AMZ1: variants seen among roughly 807,000 people sequenced by gnomAD.
AMZ1 encodes archaemetzincin-1.
Under a neutral mutation model 29.9 loss-of-function variants are expected in AMZ1, and 39 were observed. The observed-to-expected ratio is 1.30, with a 90% CI of 1.01 to 1.70. The LOEUF is 1.70. Among genes scored for constraint, AMZ1 ranks in the 40% most tolerant of loss-of-function variants. The pLI is 0.00. For synonymous variants in AMZ1, 458 were observed against 304.0 expected, an observed-to-expected ratio of 1.51 and a Z score of -5.27; for missense variants, 1,041 against 680.6, an observed-to-expected ratio of 1.53 and a Z score of -5.89.
At chr7:2,761,299 A>T (rs1371369391), upstream of AMZ1, among the ~76,000 whole-genome samples, 2 of 151,970 alleles carry the variant, frequency 1.3e-5, no homozygotes, top group Non-Finnish European at 2.9e-5. Flanking sequence ...CAAAGCCACC[A>T]CCCCATGCTC....
intron 3 of AMZ1, among the ~76,000 whole-genome samples, chr7:2,707,540 C>A (rs1220229713): frequency 1.3e-5 from 2 of 152,012 alleles, no homozygotes; most frequent in Non-Finnish European, 2.9e-5. Flanking sequence ...TGTATCTGTC[C>A]ACACTCATGC....
At chr7:2,700,791 G>A (rs764881993) in intron 2 of AMZ1, 36 bp downstream of exon 2, 1 of 1,600,852 alleles carries the variant, frequency 6.2e-7, no homozygotes, top group African/African-American at 1.3e-5. Flanking sequence ...ACGCTCCTGG[G>A]GGACCAGCTT....
Position 2,719,214 on chromosome 7 carries a change from G to T in AMZ1, c.*6336G>T, listed in dbSNP as rs1789308757. ...ACAGAACGGCAGGTGGCCCCTGTCG[G>T]AAGGGGGGTGTCTCTTTATTCCTGC... On this transcript the variant is annotated 3_prime_UTR_variant, in exon 7 of 7. Transcript: ENST00000683327. Among the ~76,000 whole-genome samples the T allele has an allele frequency of 6.6e-6, 1 of 152,182 alleles. No individual in the cohort carries two copies. The highest frequency in any genetic ancestry group is 2.1e-4 in the South Asian group (1 of 4,830).
At chr7:2,737,289 G>GTTTTTTTTTTTTTTTT (rs11389467) in intron 4 of AMZ1, among the ~76,000 whole-genome samples, 103 of 62,262 alleles carry the variant, frequency 1.7e-3, no homozygotes, top group Non-Finnish European at 1.8e-3. Context: ...TTTTTTTTTT[G>GTTTTTTTTTTTTTTTT]TTTTTTTTTT....
intron 4 of AMZ1, among the ~76,000 whole-genome samples, chr7:2,743,909 G>A (rs1462345751): frequency 1.3e-5 from 2 of 152,128 alleles, no homozygotes; most frequent in South Asian, 4.2e-4. Flanking sequence ...CACCCAAGGA[G>A]TCTTGCTCAT....
intron 1 of AMZ1, among the ~76,000 whole-genome samples, chr7:2,698,527 G>A (rs1010992688): frequency 1.3e-5 from 2 of 151,940 alleles, no homozygotes; most frequent in Non-Finnish European, 2.9e-5. Flanking sequence ...GACACAGCAA[G>A]ACTCCATCTA....
chr7:2,722,516 C>T (rs1249474998), downstream of AMZ1, among the ~76,000 whole-genome samples: 1 of 151,916 alleles, frequency 6.6e-6, no homozygotes, highest in Non-Finnish European at 1.5e-5. Flanking sequence ...CGTGATCCAT[C>T]CGCCTCAGCC....
chr7:2,731,136 G>T lies in AMZ1; in HGVS notation n.550+21320G>T. 1.5e-6 allele frequency: 2 copies of T among 1,334,528 alleles called. No homozygotes were observed. The highest frequency in any genetic ancestry group is 1.1e-6 in the Non-Finnish European group (1 of 946,232). 82.7% of individuals were successfully genotyped at this position (1,334,528 alleles called of 1,614,324 possible). A position where few individuals can be genotyped will look rare whatever the true frequency, so the allele number is the denominator to read the frequency against. ...CACACACCCAAGAGTCTGACCGACA[G>T]CCGTGGGGGCTGCTCAACGACGACA... On this transcript the variant is annotated intron_variant and non_coding_transcript_variant, in intron 4 of 4. Transcript: ENST00000489665. This position sits in a 1 kb window ranked among gnomAD's most constrained non-coding sequence, Gnocchi z 6.0.
intron 4 of AMZ1, among the ~76,000 whole-genome samples, chr7:2,733,943 C>G (rs1046065646): frequency 6.6e-6 from 1 of 152,234 alleles, no homozygotes; most frequent in Non-Finnish European, 1.5e-5. Flanking sequence ...TCCTTAAAGA[C>G]AAAACATCCT....
At chr7:2,757,677 G>A (rs1303212157) in intron 4 of AMZ1, among the ~76,000 whole-genome samples, 1 of 152,132 alleles carries the variant, frequency 6.6e-6, no homozygotes, top group Non-Finnish European at 1.5e-5. Context: ...GCTAATTGGT[G>A]GTAATCTTTT....
chr7:2,740,192 G>C (rs1340624340), intron 4 of AMZ1, among the ~76,000 whole-genome samples: 2 of 152,054 alleles, frequency 1.3e-5, no homozygotes, highest in African/African-American at 4.8e-5. Flanking sequence ...GGCATTTCCT[G>C]GTGATCTTTT....
chr7:2,748,535 T>C (rs1406856838), intron 4 of AMZ1, among the ~76,000 whole-genome samples: 3 of 152,062 alleles, frequency 2.0e-5, no homozygotes, highest in African/African-American at 7.2e-5. Context: ...ACTTAAATGT[T>C]AGACCTAAAA....
chr7:2,684,475 C>A (rs1786995636), upstream of AMZ1, among the ~76,000 whole-genome samples: 1 of 152,238 alleles, frequency 6.6e-6, no homozygotes, highest in African/African-American at 2.4e-5. Flanking sequence ...TCTCTTTTAA[C>A]CCCAAGTCGG....
At chr7:2,758,029 A>G (rs527460687) in intron 4 of AMZ1, among the ~76,000 whole-genome samples, 8 of 152,336 alleles carry the variant, frequency 5.3e-5, no homozygotes, top group African/African-American at 1.9e-4. Flanking sequence ...AAATGTCTGG[A>G]AAACCTCTTG....
intron 1 of AMZ1, among the ~76,000 whole-genome samples, chr7:2,690,607 A>G (rs560968207): frequency 4.6e-5 from 7 of 151,850 alleles, no homozygotes; most frequent in Non-Finnish European, 1.0e-4. Context: ...TGGGTTTCCG[A>G]TGTAGATGCT....
chr7:2,762,600 G>T (rs1021728682), upstream of AMZ1: 7 of 1,520,064 alleles, frequency 4.6e-6, no homozygotes, highest in Admixed American at 8.6e-5. Flanking sequence ...ACCCAAAAAA[G>T]GACAATCCCC....
intron 3 of AMZ1, among the ~76,000 whole-genome samples, chr7:2,707,433 T>C (rs1057192031): frequency 2.0e-5 from 3 of 152,168 alleles, no homozygotes; most frequent in Non-Finnish European, 4.4e-5. Flanking sequence ...CCGGGTTTCC[T>C]GGGCCCGTGG....
At chr7:2,727,389 T>G (rs1056673499) in intron 4 of AMZ1, among the ~76,000 whole-genome samples, 2 of 152,182 alleles carry the variant, frequency 1.3e-5, no homozygotes, top group African/African-American at 4.8e-5. Flanking sequence ...CATCTTCATT[T>G]ATTTTTAAGA....
At chr7:2,753,221 C>A (rs1780194331) in intron 4 of AMZ1, among the ~76,000 whole-genome samples, 2 of 152,016 alleles carry the variant, frequency 1.3e-5, no homozygotes, top group African/African-American at 4.8e-5. Context: ...GCGGCATGAT[C>A]ATGGCTCACT....
Sources: allele counts gnomAD v4.1 joint callset (sites outside exome capture counted in the v4.1 genomes callset), GRCh38; gene constraint gnomAD v4.1.1; non-coding constraint Gnocchi (gnomAD v3.1); transcripts MANE v1.5; gene names NCBI Gene and HGNC (gene_info 2026-07-23, HGNC 2026-07-21).